DSG4: variants seen among roughly 807,000 people sequenced by gnomAD.
DSG4 encodes desmoglein-4.
A neutral mutation model predicts 93.1 loss-of-function variants in DSG4; 87 were observed. The observed-to-expected ratio is 0.93, with a 90% CI of 0.79 to 1.12. The LOEUF is 1.12. Among genes scored for constraint, DSG4 ranks in the 50% most tolerant of loss-of-function variants. The pLI is 0.00. For synonymous variants in DSG4, 432 were observed against 452.9 expected, an observed-to-expected ratio of 0.95 and a Z score of 0.59; for missense variants, 1,373 against 1,285.7, an observed-to-expected ratio of 1.07 and a Z score of -1.04.
At chr18:31,380,453 C>T (rs958410602) in intron 1 of DSG4, among the ~76,000 whole-genome samples, 8 of 152,204 alleles carry the variant, frequency 5.3e-5, no homozygotes, top group African/African-American at 1.9e-4. Flanking sequence ...TCATGGAAAG[C>T]AGCTCTGACT....
chr18:31,411,786 A>G (rs2072496579), intron 15 of DSG4, among the ~76,000 whole-genome samples: 2 of 144,754 alleles, frequency 1.4e-5, no homozygotes, highest in African/African-American at 2.9e-5. Context: ...CATCAAGGGG[A>G]AAAAAGGTGC....
intron 15 of DSG4, 33 bp from the exon 16 acceptor site, chr18:31,412,795 A>C: frequency 6.2e-7 from 1 of 1,612,344 alleles, no homozygotes; most frequent in Non-Finnish European, 8.5e-7. Context: ...GGGAAAAAGA[A>C]ATTTCTAATT....
chr18:31,400,839 T>A, intron 9 of DSG4, 42 bp from the exon 10 acceptor site: 1 of 1,605,188 alleles, frequency 6.2e-7, no homozygotes, highest in Non-Finnish European at 8.5e-7. Flanking sequence ...AAGTACTAAC[T>A]TTCATAAAAG....
chr18:31,391,936 C>T (rs921703130), intron 7 of DSG4, among the ~76,000 whole-genome samples: 1 of 151,968 alleles, frequency 6.6e-6, no homozygotes, highest in African/African-American at 2.4e-5. Flanking sequence ...GAACAAAGTG[C>T]TAATTTGACC....
Position 31,413,536 on chromosome 18 carries a change from C to T in DSG4, c.3064C>T (p.Pro1022Ser), listed in dbSNP as rs2072522966. ...AGGCCAAACCGTTGGCTCCACATCCCCCATGACATCTCGACACAGAGTAAC... is the reference window on the plus strand; with the variant it reads ...AGGCCAAACCGTTGGCTCCACATCCTCCATGACATCTCGACACAGAGTAAC... The part of the protein sequence containing the change: ...PIGQTVGSTS[P>S]MTSRHRVTRY... Residue 1022 changes from proline to serine, a missense_variant, in exon 16 of 16, where the codon CCC becomes TCC. Physicochemically the swap from Pro to Ser is moderately conservative, Grantham distance 74. Coordinates refer to ENST00000308128, the MANE Select transcript of DSG4 (RefSeq NM_177986.5). The T allele has an allele frequency of 1.2e-6, 2 of 1,614,050 alleles. No homozygotes were observed.
chr18:31,410,253 C>T (rs2072471726), intron 14 of DSG4, among the ~76,000 whole-genome samples: 1 of 151,976 alleles, frequency 6.6e-6, no homozygotes, highest in South Asian at 2.1e-4. Flanking sequence ...CTCACTGGGC[C>T]TCAGTTTCCT....
chr18:31,388,305 A>G, intron 3 of DSG4, 62 bp from the exon 4 acceptor site: 3 of 1,588,358 alleles, frequency 1.9e-6, no homozygotes, highest in Non-Finnish European at 2.6e-6. Flanking sequence ...TTCTTATTCC[A>G]CTACACTCTT....
chr18:31,393,574 A>G (rs376016375), intron 8 of DSG4, among the ~76,000 whole-genome samples: 6 of 152,278 alleles, frequency 3.9e-5, no homozygotes, highest in African/African-American at 1.4e-4. Context: ...CACCAAGGCT[A>G]TGGTGGTAAA....
intron 14 of DSG4, 152 bp downstream of exon 14, chr18:31,409,960 C>CA: frequency 1.2e-6 from 1 of 817,878 alleles, no homozygotes. Flanking sequence ...GAAGTAGCCA[C>CA]TTTTTTTTTC....
Position 31,392,200 on chromosome 18 carries a change from C to A in DSG4, c.865C>A (p.Arg289=), listed in dbSNP as rs267606777. 6.2e-7 allele frequency: 1 copy of A among 1,613,524 alleles called. No individual in the cohort carries two copies. Among genetic ancestry groups the A allele is most frequent in the Admixed American group, 1.7e-5 (1 of 59,968 alleles). ...EENCLSSELI[R]LQAIDLDEEG... is the part of the protein sequence containing the mutation. ...GAATTGTTTAAGTTCGGAACTGATA[C>A]GATTACAAGCAATTGATCTTGATGA... The change falls in exon 8 of 16, where the codon CGA becomes AGA. Residue 289 remains arginine, a synonymous_variant. Transcript: ENST00000308128.
intron 1 of DSG4, among the ~76,000 whole-genome samples, chr18:31,378,718 A>C (rs149468841): frequency 6.6e-6 from 1 of 152,194 alleles, no homozygotes; most frequent in African/African-American, 2.4e-5. Flanking sequence ...GCTTGTCTAA[A>C]AGATCCCTTA....
At chr18:31,391,326 T>C (rs2072246956) in intron 7 of DSG4, 114 bp downstream of exon 7, 2 of 1,411,598 alleles carry the variant, frequency 1.4e-6, no homozygotes. Context: ...TGTGTGGACA[T>C]ACTCAACTTT....
intron 8 of DSG4, among the ~76,000 whole-genome samples, chr18:31,398,137 A>C (rs2144192696): frequency 6.6e-6 from 1 of 152,160 alleles, no homozygotes; most frequent in Non-Finnish European, 1.5e-5. Flanking sequence ...GATCTCTTCC[A>C]ATTGAAAAGT....
At chr18:31,409,141 C>T (rs1301254282) in intron 12 of DSG4, among the ~76,000 whole-genome samples, 1 of 152,124 alleles carries the variant, frequency 6.6e-6, no homozygotes, top group South Asian at 2.1e-4. Flanking sequence ...TGTGCATCTG[C>T]CCCAACCAGT....
At chr18:31,377,759 A>G (rs1468421341) in intron 1 of DSG4, among the ~76,000 whole-genome samples, 1 of 152,186 alleles carries the variant, frequency 6.6e-6, no homozygotes, top group East Asian at 1.9e-4. Context: ...CAATTCTGGG[A>G]GGGTAAGAGG....
chr18:31,393,590 C>T (rs2072273625), intron 8 of DSG4, among the ~76,000 whole-genome samples: 3 of 152,118 alleles, frequency 2.0e-5, no homozygotes, highest in African/African-American at 4.8e-5. Context: ...GTAAACCATT[C>T]GTGAGGGATC....
At chr18:31,390,632 C>T (rs777330564) in intron 5 of DSG4, 24 bp from the exon 6 acceptor site, 2 of 1,612,894 alleles carry the variant, frequency 1.2e-6, no homozygotes, top group East Asian at 4.5e-5. Context: ...CCCAACCATT[C>T]TCCACCTCCA....
intron 8 of DSG4, among the ~76,000 whole-genome samples, chr18:31,395,514 A>G (rs2072296159): frequency 6.6e-6 from 1 of 152,168 alleles, no homozygotes; most frequent in African/African-American, 2.4e-5. Context: ...TAGAGAACAT[A>G]AGCGTAATTT....
intron 1 of DSG4, among the ~76,000 whole-genome samples, chr18:31,383,874 G>C (rs1568060938): frequency 6.6e-6 from 1 of 152,128 alleles, no homozygotes. Flanking sequence ...AAATCCTTTT[G>C]CAAGTCCTGC....
Sources: gnomAD v4.1 joint callset for allele counts (sites outside exome capture counted in the v4.1 genomes callset) on GRCh38, gnomAD v4.1.1 for gene constraint, MANE v1.5 for transcripts, NCBI Gene and HGNC (gene_info 2026-07-23, HGNC 2026-07-21) for gene names.